SLC16A10: variants seen among roughly 807,000 people sequenced by gnomAD.
SLC16A10 encodes the protein solute carrier family 16 member 10.
SLC16A10 carries 27 observed loss-of-function variants against 40.0 expected under a neutral mutation model. The ratio of observed to expected loss-of-function variants is 0.67; its 90% CI spans 0.50 to 0.93. The LOEUF (loss-of-function observed/expected upper bound fraction) is 0.93. Ranked by LOEUF, SLC16A10 falls within the 40% of genes least tolerant of loss-of-function variation. The pLI, the probability that SLC16A10 is intolerant of heterozygous loss-of-function variation, is 0.00. For missense variants in SLC16A10, 529 were observed against 658.2 expected, an observed-to-expected ratio of 0.80 and a Z score of 2.15; for synonymous variants, 213 against 249.8, an observed-to-expected ratio of 0.85 and a Z score of 1.39.
chr6:111,131,465 AC>A (rs1333149287), intron 1 of SLC16A10, among the ~76,000 whole-genome samples: 1 of 151,762 alleles, frequency 6.6e-6, no homozygotes, highest in Non-Finnish European at 1.5e-5. Context: ...AAGAACAAGG[AC>A]CCCCCGGTAA....
intron 3 of SLC16A10, among the ~76,000 whole-genome samples, chr6:111,198,131 A>G (rs543066534): frequency 5.1e-4 from 78 of 152,196 alleles, no homozygotes; most frequent in African/African-American, 1.8e-3. Context: ...TACTAAAAAT[A>G]CAAAAACTAG....
At chr6:111,180,986 A>G (rs1055767847) in intron 3 of SLC16A10, among the ~76,000 whole-genome samples, 1 of 152,144 alleles carries the variant, frequency 6.6e-6, no homozygotes, top group African/African-American at 2.4e-5. Context: ...AGGCCAAGGC[A>G]GGTGTATCAC....
intron 3 of SLC16A10, among the ~76,000 whole-genome samples, chr6:111,202,489 A>T (rs1034490992): frequency 4.6e-5 from 7 of 151,938 alleles, no homozygotes; most frequent in Non-Finnish European, 1.0e-4. Context: ...AGAAGAAAAA[A>T]TGTTTCAGGC....
chr6:111,155,365 T>A (rs1479582325), intron 1 of SLC16A10, among the ~76,000 whole-genome samples: 1 of 151,718 alleles, frequency 6.6e-6, no homozygotes, highest in South Asian at 2.1e-4. Flanking sequence ...AAAAGTTGTT[T>A]CGTTTTTTTT....
chr6:111,120,515 T>C (rs768756297), intron 1 of SLC16A10, among the ~76,000 whole-genome samples: 7 of 152,212 alleles, frequency 4.6e-5, no homozygotes, highest in Non-Finnish European at 1.0e-4. Flanking sequence ...ATAATGACTT[T>C]TATTTGTATT....
intron 1 of SLC16A10, among the ~76,000 whole-genome samples, chr6:111,091,551 TA>T (rs1328882544): frequency 1.3e-5 from 2 of 152,204 alleles, no homozygotes; most frequent in Non-Finnish European, 2.9e-5. Flanking sequence ...TTCTGAAGTG[TA>T]GAGAGACTTC....
intron 1 of SLC16A10, among the ~76,000 whole-genome samples, chr6:111,124,435 C>T (rs1771638263): frequency 6.6e-6 from 1 of 151,468 alleles, no homozygotes; most frequent in Non-Finnish European, 1.5e-5. Flanking sequence ...GGCCACGGCT[C>T]ACTGCAGCCT....
intron 1 of SLC16A10, among the ~76,000 whole-genome samples, chr6:111,132,236 C>T (rs756482979): frequency 8.3e-4 from 126 of 151,330 alleles, no homozygotes; most frequent in Middle Eastern, 3.4e-3. Flanking sequence ...GAGAGAGAGA[C>T]GAAGAGGGAG....
At chr6:111,210,893 C>T (rs917263968) in intron 4 of SLC16A10, among the ~76,000 whole-genome samples, 6 of 151,872 alleles carry the variant, frequency 4.0e-5, no homozygotes, top group African/African-American at 7.3e-5. Flanking sequence ...CTTGGTGGCA[C>T]GCGTCTGTAG....
chr6:111,175,747 C>A (rs1772671508), intron 2 of SLC16A10, among the ~76,000 whole-genome samples: 1 of 151,770 alleles, frequency 6.6e-6, no homozygotes, highest in South Asian at 2.1e-4. Context: ...TTACTCAGGC[C>A]AGAATGCAGT....
Position 111,229,838 on chromosome 6 carries a change from C to T in SLC16A10, c.*7603C>T, listed in dbSNP as rs113275319. 4,388 of 152,080 alleles carry T rather than the reference C, an allele frequency of 0.029. 220 individuals are homozygous for T. The highest frequency in any genetic ancestry group is 0.1 in the African/African-American group (4,201 of 41,346). The allele number at this position is 152,080 out of a possible 1,614,324, so 9.4% of individuals were successfully genotyped here. On this transcript the variant is annotated 3_prime_UTR_variant, in exon 6 of 6. Coordinates refer to ENST00000368851, the MANE Select transcript of SLC16A10 (RefSeq NM_018593.5). Reference sequence around the variant, plus strand: ...CATATGGGTCTCCTTGGCCAGGCGCCGTGGCTCACACCTGTAATCCCAGCA... The same window carrying T: ...CATATGGGTCTCCTTGGCCAGGCGCTGTGGCTCACACCTGTAATCCCAGCA...
chr6:111,181,970 TTTTTGTTTTG>T (rs370869552), intron 3 of SLC16A10, among the ~76,000 whole-genome samples: 34 of 152,098 alleles, frequency 2.2e-4, no homozygotes, highest in Middle Eastern at 3.4e-3. Context: ...CTGGAATCTT[TTTTTGTTTTG>T]TTTTGTTTTG....
chr6:111,189,758 C>T (rs774083010), intron 3 of SLC16A10, among the ~76,000 whole-genome samples: 15 of 152,042 alleles, frequency 9.9e-5, no homozygotes, highest in African/African-American at 2.7e-4. Flanking sequence ...TTCACTGTCA[C>T]GAGAATAGCA....
At chr6:111,155,152 G>A (rs1424350597) in intron 1 of SLC16A10, among the ~76,000 whole-genome samples, 2 of 150,858 alleles carry the variant, frequency 1.3e-5, no homozygotes, top group African/African-American at 2.4e-5. Context: ...AGGGTACACC[G>A]CACAATCTTC....
At chr6:111,211,471 C>T (rs1159110272) in intron 4 of SLC16A10, among the ~76,000 whole-genome samples, 2 of 152,174 alleles carry the variant, frequency 1.3e-5, no homozygotes, top group Non-Finnish European at 2.9e-5. Flanking sequence ...AAAGTTTAGC[C>T]ACAATCTGGC....
chr6:111,168,712 T>A (rs1772524839), intron 1 of SLC16A10, among the ~76,000 whole-genome samples: 1 of 152,208 alleles, frequency 6.6e-6, no homozygotes, highest in Admixed American at 6.5e-5. Flanking sequence ...ATTACTATTG[T>A]AACAAAATCT....
At chr6:111,211,789 T>C (rs1773350123) in intron 4 of SLC16A10, among the ~76,000 whole-genome samples, 1 of 152,162 alleles carries the variant, frequency 6.6e-6, no homozygotes, top group Non-Finnish European at 1.5e-5. Context: ...CACAGTGTGG[T>C]TTTTGATTCT....
chr6:111,219,474 G>C (rs1212316093), intron 5 of SLC16A10, among the ~76,000 whole-genome samples: 1 of 151,928 alleles, frequency 6.6e-6, no homozygotes, highest in Non-Finnish European at 1.5e-5. Context: ...GCTGCAGTGA[G>C]CTGTGATCAT....
rs1255383757 is a variant in SLC16A10 at position 111,227,458 on chromosome 6, A to G, written c.*5223A>G. On this transcript the variant is annotated 3_prime_UTR_variant, in exon 6 of 6. Transcript: ENST00000368851. ...CCACCATCAATGTGCATTTTATCAG[A>G]TGACTCCTCCTGAGACAGTAAAGAC... The G allele has an allele frequency of 6.6e-6, 1 of 152,232 alleles. No homozygotes were observed. Among genetic ancestry groups the G allele is most frequent in the Admixed American group, 6.5e-5 (1 of 15,282 alleles). The allele number at this position is 152,232 out of a possible 1,614,324, so 9.4% of individuals were successfully genotyped here. A position where few individuals can be genotyped will look rare whatever the true frequency, so the allele number is the denominator to read the frequency against.
Sources: gnomAD v4.1 joint callset for allele counts (sites outside exome capture counted in the v4.1 genomes callset) on GRCh38, gnomAD v4.1.1 for gene constraint, MANE v1.5 for transcripts, NCBI Gene and HGNC (gene_info 2026-07-23, HGNC 2026-07-21) for gene names.